PDE4B: variants seen among roughly 807,000 people sequenced by gnomAD.
The protein encoded by PDE4B is 3',5'-cyclic-AMP phosphodiesterase 4B.
A neutral mutation model predicts 82.2 loss-of-function variants in PDE4B; 20 were observed. That is an observed-to-expected ratio of 0.24 (90% CI 0.17 to 0.35). PDE4B has a LOEUF of 0.35. Among genes scored for constraint, PDE4B ranks in the 10% least tolerant of loss-of-function variants. The pLI, the probability that PDE4B is intolerant of heterozygous loss-of-function variation, is 1.00. For synonymous variants in PDE4B, 320 were observed against 318.9 expected, an observed-to-expected ratio of 1.00 and a Z score of -0.04; for missense variants, 655 against 907.2, an observed-to-expected ratio of 0.72 and a Z score of 3.57.
intron 3 of PDE4B, among the ~76,000 whole-genome samples, chr1:66,224,240 C>G (rs571431310): frequency 4.9e-4 from 74 of 152,266 alleles, no homozygotes; most frequent in African/African-American, 1.7e-3. Context: ...TCCCCTCAAC[C>G]CCTCTCACAC....
chr1:65,934,552 T>C (rs933740614), intron 3 of PDE4B, among the ~76,000 whole-genome samples: 3 of 152,222 alleles, frequency 2.0e-5, no homozygotes, highest in African/African-American at 7.2e-5. Context: ...TTACTTTACA[T>C]AGACATGGAT....
intron 1 of PDE4B, among the ~76,000 whole-genome samples, chr1:65,874,952 G>A (rs1226419183): frequency 1.3e-5 from 2 of 151,748 alleles, no homozygotes; most frequent in African/African-American, 2.4e-5. Context: ...TGACAAATGG[G>A]ATCTAATTAA....
At chr1:66,088,024 T>A (rs1570193693) in intron 3 of PDE4B, among the ~76,000 whole-genome samples, 1 of 151,744 alleles carries the variant, frequency 6.6e-6, no homozygotes, top group South Asian at 2.1e-4. Flanking sequence ...ATAATAATAA[T>A]AAAAATAAAT....
At chr1:66,159,778 C>T (rs1002899109) in intron 3 of PDE4B, among the ~76,000 whole-genome samples, 3 of 152,138 alleles carry the variant, frequency 2.0e-5, no homozygotes, top group Non-Finnish European at 4.4e-5. Context: ...GTGTTCCCTA[C>T]ACTTTCCTGG....
intron 3 of PDE4B, among the ~76,000 whole-genome samples, chr1:65,925,777 T>A (rs1472533553): frequency 6.6e-6 from 1 of 152,172 alleles, no homozygotes; most frequent in Non-Finnish European, 1.5e-5. Flanking sequence ...CCATAGAGAA[T>A]TTGCATTTGA....
chr1:65,894,147 T>TA (rs554464716), intron 1 of PDE4B, among the ~76,000 whole-genome samples: 77 of 149,362 alleles, frequency 5.2e-4, no homozygotes, highest in Middle Eastern at 3.4e-3. Context: ...ACTGTTGAAA[T>TA]AAAAAAAAAG....
At chr1:66,173,823 T>C (rs1315826707) in intron 3 of PDE4B, among the ~76,000 whole-genome samples, 1 of 152,240 alleles carries the variant, frequency 6.6e-6, no homozygotes. Flanking sequence ...TCTTGCTGTG[T>C]CACCCAGGCT....
intron 1 of PDE4B, among the ~76,000 whole-genome samples, chr1:65,850,110 C>CTTT (rs57662381): frequency 0.012 from 1,148 of 97,342 alleles, 42 homozygotes; most frequent in Non-Finnish European, 0.015. Flanking sequence ...TTGCCCTGCA[C>CTTT]TTTTTTTTTT....
chr1:66,088,664 A>G (rs544255112), intron 3 of PDE4B, among the ~76,000 whole-genome samples: 1 of 152,180 alleles, frequency 6.6e-6, no homozygotes, highest in East Asian at 1.9e-4. Context: ...TGTCAATACT[A>G]TTGAATATTC....
chr1:66,204,425 G>T lies in PDE4B; in HGVS notation c.282-43035G>T, dbSNP rs560816766. Among the ~76,000 whole-genome samples the T allele has an allele frequency of 5.3e-5, 8 of 152,346 alleles. No homozygotes were observed. The South Asian group carries it at 1.7e-3, about 32-fold the overall frequency. ...AGAGGTTACTGCTGTCTTTTTGTTT[G>T]TCTGTGCCCTGCCCCCATAGGTGGA... On this transcript the variant is annotated intron_variant, in intron 3 of 16. Coordinates refer to ENST00000341517, the MANE Select transcript of PDE4B (RefSeq NM_002600.4).
intron 3 of PDE4B, among the ~76,000 whole-genome samples, chr1:66,014,648 C>G (rs910911094): frequency 6.6e-6 from 1 of 152,076 alleles, no homozygotes; most frequent in Non-Finnish European, 1.5e-5. Context: ...TGGTCCAAAC[C>G]ATAATAGATT....
At chr1:65,963,811 C>CTG (rs780742231) in intron 3 of PDE4B, among the ~76,000 whole-genome samples, 4 of 152,180 alleles carry the variant, frequency 2.6e-5, no homozygotes, top group Non-Finnish European at 5.9e-5. Flanking sequence ...ATCATCCATC[C>CTG]TGTTTTAGAA....
intron 3 of PDE4B, among the ~76,000 whole-genome samples, chr1:65,983,694 C>T (rs1650805959): frequency 6.6e-6 from 1 of 152,128 alleles, no homozygotes; most frequent in African/African-American, 2.4e-5. Flanking sequence ...CTCAGAGGAG[C>T]CGATTCTGCT....
At chr1:65,901,271 T>G (rs1334127700) in intron 1 of PDE4B, among the ~76,000 whole-genome samples, 1 of 152,110 alleles carries the variant, frequency 6.6e-6, no homozygotes, top group East Asian at 1.9e-4. Flanking sequence ...ATTTGCATAT[T>G]ATGAATTAAC....
At position 66,266,094 on chromosome 1, in the gene PDE4B, C is replaced by G. The variant is rs778234135; in HGVS notation, c.634+7C>G. On this transcript the variant is annotated splice_region_variant and intron_variant, in intron 7 of 16. Transcript: ENST00000341517. ...TCCAGAGTCAACCCACAAGGTAGGC[C>G]ATGTCATAAGGTCTATCTAGATGTT... The G allele has an allele frequency of 9.3e-6, 15 of 1,605,880 alleles. No homozygotes were observed. The South Asian group carries it at 1.7e-4, about 18-fold the overall frequency.
chr1:66,267,749 G>T (rs920513467), intron 7 of PDE4B, among the ~76,000 whole-genome samples: 27 of 152,162 alleles, frequency 1.8e-4, no homozygotes, highest in Non-Finnish European at 1.0e-4. Context: ...AGAATGTAGT[G>T]ATACCAATTA....
intron 3 of PDE4B, among the ~76,000 whole-genome samples, chr1:65,979,678 C>T (rs1650585685): frequency 2.0e-5 from 3 of 152,162 alleles, no homozygotes; most frequent in African/African-American, 7.2e-5. Flanking sequence ...GAGGATGAAG[C>T]AGGAGGCCCT....
chr1:66,038,556 A>G (rs1260055936), intron 3 of PDE4B, among the ~76,000 whole-genome samples: 1 of 129,028 alleles, frequency 7.8e-6, no homozygotes, highest in East Asian at 3.5e-4. Context: ...CATATGGAGG[A>G]AAAAAAGATA....
intron 3 of PDE4B, among the ~76,000 whole-genome samples, chr1:66,161,606 A>G (rs1646614900): frequency 6.6e-6 from 1 of 152,056 alleles, no homozygotes; most frequent in Admixed American, 6.6e-5. Context: ...CAAACCTATA[A>G]GGTTATTATT....
Sources: gnomAD v4.1 joint callset for allele counts (sites outside exome capture counted in the v4.1 genomes callset) on GRCh38, gnomAD v4.1.1 for gene constraint, MANE v1.5 for transcripts, NCBI Gene and HGNC (gene_info 2026-07-23, HGNC 2026-07-21) for gene names.